Variants in KRT78 observed in about 807,000 individuals in gnomAD.
KRT78 encodes keratin 78, also known as keratin, type II cytoskeletal 78.
In KRT78, 55 loss-of-function variants were observed where a neutral mutation model predicts 51.4. The observed-to-expected ratio is 1.07, with a 90% CI of 0.86 to 1.34. The LOEUF (loss-of-function observed/expected upper bound fraction) is 1.34, where lower values mean the gene tolerates loss of function less well. Among genes scored for constraint, KRT78 ranks in the 40% most tolerant of loss-of-function variants. The probability of loss-of-function intolerance (pLI) is 0.00; values close to 1 mark genes in which losing one functional copy is unlikely to be tolerated. For missense variants in KRT78, 652 were observed against 649.4 expected, an observed-to-expected ratio of 1.00 and a Z score of -0.04; for synonymous variants, 291 against 264.3, an observed-to-expected ratio of 1.10 and a Z score of -0.98.
Position 52,844,610 on chromosome 12 carries a change from C to T in KRT78, c.870G>A (p.Glu290=), listed in dbSNP as rs201542625. The T allele has an allele frequency of 3.2e-5, 52 of 1,614,178 alleles. No individual in the cohort carries two copies. In the East Asian group the frequency reaches 1.1e-3, roughly 35 times the overall value. The change falls in exon 5 of 9, where the codon GAG becomes GAA. Residue 290 remains glutamate (E), a synonymous_variant. Coordinates refer to ENST00000304620, the MANE Select transcript of KRT78 (RefSeq NM_173352.4). Reference sequence around the variant, plus strand: ...CAGCCTTGCTGCTCCGGGCGATCTCCTCGTACCGGGCGCGGACCTCAGTGA... The same window carrying T: ...CAGCCTTGCTGCTCCGGGCGATCTCTTCGTACCGGGCGCGGACCTCAGTGA... The part of the protein sequence containing the change: ...SIITEVRARY[E]EIARSSKAEA...
intron 5 of KRT78, 68 bp downstream of exon 5, chr12:52,844,491 C>G: frequency 6.5e-7 from 1 of 1,544,000 alleles, no homozygotes; most frequent in South Asian, 1.2e-5. Context: ...AGGTGGATGA[C>G]CACCCTAGAG....
In KRT78 at chr12:52,839,449, T is replaced by A; in HGVS notation, c.1303+4A>T. The A allele has an allele frequency of 6.2e-7, 1 of 1,608,806 alleles. No individual in the cohort carries two copies. Among genetic ancestry groups the A allele is most frequent in the Non-Finnish European group, 8.5e-7 (1 of 1,177,782 alleles). ...TCCCATCCCTAAAGTCCCCTGATAC[T>A]CACAGATAGTGACCTGGCTGGTGCA... is the stretch of plus-strand genomic sequence containing the variant. On this transcript the variant is annotated splice_donor_region_variant and intron_variant, in intron 8 of 8. Coordinates refer to ENST00000304620, the MANE Select transcript of KRT78 (RefSeq NM_173352.4).
At chr12:52,848,394 G>A in intron 1 of KRT78, 153 bp downstream of exon 1, 1 of 1,404,236 alleles carries the variant, frequency 7.1e-7, no homozygotes, top group South Asian at 1.3e-5. Flanking sequence ...CATAGCCAGA[G>A]AGAGTCCAGT....
At chr12:52,846,627 T>C (rs10876364) in intron 3 of KRT78, 137 bp downstream of exon 3, 42,829 of 819,700 alleles carry the variant, frequency 0.052, 5,624 homozygotes, top group African/African-American at 0.39. Context: ...TGTCCCATTT[T>C]CCCAGGGGAC....
chr12:52,848,797 C>T lies in KRT78; in HGVS notation c.134G>A (p.Gly45Glu), dbSNP rs766741699. ...GFSSRSLNSF[G>E]GCLEGSRGST... is the part of the protein sequence containing the mutation. The stretch of plus-strand genomic sequence containing the variant: ...CCCACGAGAGCCTTCCAGGCACCCC[C>T]CAAAGGAATTAAGGCTCCTGCTGCT... The change falls in exon 1 of 9, where the codon GGG becomes GAG. Residue 45 changes from glycine to glutamate, a missense_variant. Gly to Glu is a moderately conservative substitution (Grantham distance 98, BLOSUM62 -2). Transcript: ENST00000304620. 2.5e-6 allele frequency: 4 copies of T among 1,613,626 alleles called. No individual in the cohort carries two copies. The highest frequency in any genetic ancestry group is 1.7e-5 in the Admixed American group (1 of 59,964).
rs1212659408 is a variant in KRT78 at position 52,848,746 on chromosome 12, A to G, written c.185T>C (p.Leu62Pro). The change falls in exon 1 of 9, where the codon CTG becomes CCG. Residue 62 changes from leucine to proline, a missense_variant. By Grantham distance (98) the Leu-to-Pro change is moderately conservative. Coordinates refer to ENST00000304620, the MANE Select transcript of KRT78 (RefSeq NM_173352.4). ...ACTCCACTCCCCAAACCGCACCCCC[A>G]GCCTACCCCCTGACCCCCAGGTACT... is the stretch of plus-strand genomic sequence containing the variant. ...RGSTWGSGGR[L>P]GVRFGEWSGG... 1 of 1,003,456 alleles carries G rather than the reference A, an allele frequency of 1.0e-6. No homozygotes were observed. Among genetic ancestry groups the G allele is most frequent in the Admixed American group, 2.6e-5 (1 of 38,324 alleles). The allele number at this position is 1,003,456 out of a possible 1,614,324, so 62.2% of individuals were successfully genotyped here.
intron 6 of KRT78, among the ~76,000 whole-genome samples, chr12:52,842,959 G>GAGAGAGAGAA (rs1299063277): frequency 6.9e-4 from 37 of 53,742 alleles, no homozygotes; most frequent in African/African-American, 3.0e-3. Flanking sequence ...GAGAGAGAGA[G>GAGAGAGAGAA]AGGAAGGAAG....
rs1940401783 is a variant in KRT78, at chr12:52,838,690, A to C, written c.*423T>G. On this transcript the variant is annotated 3_prime_UTR_variant, in exon 9 of 9. Transcript: ENST00000304620. ...AAGGAAGGGGGCTGCCCCAGTCAGG[A>C]CTAGAACCTCTTAAAACAGGCAGTT... The C allele has an allele frequency of 1.5e-5, 3 of 205,402 alleles. No homozygotes were observed. The highest frequency in any genetic ancestry group is 6.9e-5 in the African/African-American group (3 of 43,380). The allele number at this position is 205,402 out of a possible 1,614,324, so 12.7% of individuals were successfully genotyped here.
chr12:52,845,226 G>A (rs868847687), intron 4 of KRT78, among the ~76,000 whole-genome samples: 4 of 152,056 alleles, frequency 2.6e-5, no homozygotes, highest in East Asian at 3.9e-4. Context: ...GGCTGGTCTC[G>A]AACTCCTGAC....
intron 7 of KRT78, 70 bp downstream of exon 7, chr12:52,839,694 A>G: frequency 6.9e-7 from 1 of 1,458,492 alleles, no homozygotes; most frequent in Non-Finnish European, 9.6e-7. Flanking sequence ...TTTAGCAAGC[A>G]GCTCACTGTG....
intron 5 of KRT78, 127 bp from the exon 6 acceptor site, chr12:52,844,345 A>T: frequency 8.1e-7 from 1 of 1,228,080 alleles, no homozygotes; most frequent in African/African-American, 1.5e-5. Context: ...GCCAGGACAC[A>T]GTGGGATATA....
chr12:52,846,177 G>A lies in KRT78; in HGVS notation c.756+20C>T. Reference sequence around the variant, plus strand: ...CAGTCCTCTCTCTTGGCTGCAGCCTGCCCTTTGGTTGAGCCTCACTTCTTC... The same window carrying A: ...CAGTCCTCTCTCTTGGCTGCAGCCTACCCTTTGGTTGAGCCTCACTTCTTC... On this transcript the variant is annotated intron_variant, in intron 4 of 8. Coordinates refer to ENST00000304620, the MANE Select transcript of KRT78 (RefSeq NM_173352.4). The A allele has an allele frequency of 9.6e-6, 15 of 1,568,046 alleles. No individual in the cohort carries two copies. The highest frequency in any genetic ancestry group is 1.3e-5 in the Non-Finnish European group (15 of 1,139,464).
rs1444011818 is a variant in KRT78, at chr12:52,839,491, G to A, written c.1269-4C>T. The A allele has an allele frequency of 6.3e-7, 1 of 1,589,130 alleles. No individual in the cohort carries two copies. The highest frequency in any genetic ancestry group is 8.6e-7 in the Non-Finnish European group (1 of 1,168,138). On this transcript the variant is annotated splice_region_variant and splice_polypyrimidine_tract_variant and intron_variant, in intron 7 of 8. Coordinates refer to ENST00000304620, the MANE Select transcript of KRT78 (RefSeq NM_173352.4). ...GCTGGTGCACTCCCCAGACATCCTA[G>A]GGGGAAAAGGACAAGAGGGGGATGC...
In KRT78 at chr12:52,846,254, C is replaced by T. The variant is rs767626036; in HGVS notation, c.699G>A (p.Glu233=). The T allele has an allele frequency of 2.5e-6, 4 of 1,613,840 alleles. No individual in the cohort carries two copies. The highest frequency in any genetic ancestry group is 2.7e-5 in the African/African-American group (2 of 74,900). The change falls in exon 4 of 9, where the codon GAG becomes GAA. Residue 233 remains glutamate (E), a synonymous_variant. Transcript: ENST00000304620. ...DGVFLSKMEL[E]GKLEALREYL... ...ACTCTCTCAGAGCCTCCAGCTTGCC[C>T]TCCAACTCCATCTTGCTCAGGAAAA...
intron 3 of KRT78, 33 bp from the exon 4 acceptor site, chr12:52,846,325 C>T: frequency 7.4e-7 from 1 of 1,348,534 alleles, no homozygotes; most frequent in Non-Finnish European, 1.1e-6. Context: ...CACGTAACCC[C>T]CTCTTCCTCT....
At position 52,839,069 on chromosome 12, in the gene KRT78, GA is replaced by G; in HGVS notation, c.*43del. On this transcript the variant is annotated 3_prime_UTR_variant, in exon 9 of 9. Transcript: ENST00000304620. The stretch of plus-strand genomic sequence containing the variant: ...GCCTTGCAGAGCCGGCTGATGGGGG[GA>G]GTGGGCCAAATGTGTTCAGGAAGGA... 1 of 1,585,764 alleles carries G rather than the reference GA, an allele frequency of 6.3e-7. No homozygotes were observed. Among genetic ancestry groups the G allele is most frequent in the Non-Finnish European group, 8.6e-7 (1 of 1,167,664 alleles).
In KRT78 at chr12:52,848,347, G is replaced by A; in HGVS notation, c.384+200C>T. ...TCCCCCCGCTGGCTGGCAGTTCTCT[G>A]TCCCTGAGCCCCAATCATGGAACAA... On this transcript the variant is annotated intron_variant, in intron 1 of 8. Coordinates refer to ENST00000304620, the MANE Select transcript of KRT78 (RefSeq NM_173352.4). 5 of 1,456,780 alleles carry A rather than the reference G, an allele frequency of 3.4e-6. 1 individual carries two copies. In the South Asian group the frequency reaches 6.2e-5, roughly 18 times the overall value. The allele number at this position is 1,456,780 out of a possible 1,614,324, so 90.2% of individuals were successfully genotyped here.
chr12:52,847,401 A>T (rs961793067), intron 2 of KRT78, among the ~76,000 whole-genome samples: 2 of 152,142 alleles, frequency 1.3e-5, no homozygotes, highest in Admixed American at 6.5e-5. Flanking sequence ...CTATTAGTCC[A>T]GGGCTCTCTC....
At position 52,848,572 on chromosome 12, in the gene KRT78, T is replaced by A; in HGVS notation, c.359A>T (p.Asn120Ile). Residue 120 changes from asparagine to isoleucine, a missense_variant, in exon 1 of 9, where the codon AAC becomes ATC. By Grantham distance (149) the Asn-to-Ile change is moderately radical (BLOSUM62 -3). Transcript: ENST00000304620. ...QETQEIRTLNNQFASFIDKVR... is the reference protein window; with the variant it reads ...QETQEIRTLNIQFASFIDKVR... ...CTTGTCAATGAAGGAAGCAAACTGG[T>A]TGTTGAGGGTTCTGATCTCCTGGGT... 1 of 1,613,968 alleles carries A rather than the reference T, an allele frequency of 6.2e-7. No individual in the cohort carries two copies. The highest frequency in any genetic ancestry group is 8.5e-7 in the Non-Finnish European group (1 of 1,179,940).
Sources: allele counts gnomAD v4.1 joint callset (sites outside exome capture counted in the v4.1 genomes callset), GRCh38; gene constraint gnomAD v4.1.1; transcripts MANE v1.5; gene names NCBI Gene and HGNC (gene_info 2026-07-23, HGNC 2026-07-21).